The following ACOX1 variants were observed in gnomAD, a reference collection of about 807,000 sequenced individuals.
ACOX1 encodes the protein acyl-CoA oxidase 1, also known as peroxisomal acyl-coenzyme A oxidase 1.
ACOX1 carries 41 observed loss-of-function variants against 75.5 expected under a neutral mutation model. The observed-to-expected ratio is 0.54, with a 90% confidence interval of 0.42 to 0.70. The LOEUF is 0.70. Among genes scored for constraint, ACOX1 ranks in the 30% least tolerant of loss-of-function variants. The pLI is 0.00. For missense variants in ACOX1, 630 were observed against 837.5 expected (o/e 0.75, Z 3.06); for synonymous variants, 303 against 298.8 (o/e 1.01, Z -0.15).
Position 75,960,645 on chromosome 17 carries a change from C to T in ACOX1, c.270-270G>A, listed in dbSNP as rs548975497. On this transcript the variant is annotated intron_variant, in intron 2 of 13. Transcript: ENST00000293217. The surrounding 1 kb of genome is among the most constrained non-coding windows in gnomAD (Gnocchi z 4.4). ...GCAGCACAAAACCACACGTGCAAGG[C>T]AGAGGATCCTCGCCCAGGAATTAAA... Among the ~76,000 whole-genome samples, 11 of 152,282 alleles carry T rather than the reference C, an allele frequency of 7.2e-5. 1 individual carries two copies. In the East Asian group the frequency reaches 1.7e-3, roughly 24 times the overall value.
chr17:75,946,943 A>T, intron 13 of ACOX1, 148 bp from the exon 14 acceptor site: 1 of 721,262 alleles, frequency 1.4e-6, no homozygotes. Flanking sequence ...ATCTTGGCTC[A>T]CTACAGCCTC....
intron 6 of ACOX1, among the ~76,000 whole-genome samples, chr17:75,955,330 A>AT (rs2144253976): frequency 6.6e-6 from 1 of 151,756 alleles, no homozygotes; most frequent in Admixed American, 6.6e-5. Context: ...ACCCAGCTAG[A>AT]TTTTTTTACT....
At position 75,960,636 on chromosome 17, in the gene ACOX1, C is replaced by A. The variant is rs528851682; in HGVS notation, c.270-261G>T. On this transcript the variant is annotated intron_variant, in intron 2 of 13. Transcript: ENST00000293217. This position sits in a 1 kb window ranked among gnomAD's most constrained non-coding sequence, Gnocchi z 4.4. ...AAAGCCAATGCAGCACAAAACCACA[C>A]GTGCAAGGCAGAGGATCCTCGCCCA... Among the ~76,000 whole-genome samples, 1 of 152,132 alleles carries A rather than the reference C, an allele frequency of 6.6e-6. No homozygotes were observed. The highest frequency in any genetic ancestry group is 2.4e-5 in the African/African-American group (1 of 41,414).
rs1026725146 is a variant in ACOX1 at position 75,975,908 on chromosome 17, A to T, written c.269+2626T>A. ...GAGAGAAAGAAAAAGAAAGAGGAAG[A>T]GAAAGAGAAAGAAAAAGAAAGGAAA... On this transcript the variant is annotated intron_variant, in intron 2 of 13. Coordinates refer to ENST00000293217, the MANE Select transcript of ACOX1 (RefSeq NM_004035.7). 3.6e-4 allele frequency among the ~76,000 whole-genome samples: 54 copies of T among 151,964 alleles called. 1 individual carries two copies. Among genetic ancestry groups the T allele is most frequent in the African/African-American group, 1.1e-3 (47 of 41,380 alleles).
chr17:75,947,115 C>T (rs1567871557), intron 13 of ACOX1, among the ~76,000 whole-genome samples: 1 of 152,070 alleles, frequency 6.6e-6, no homozygotes, highest in African/African-American at 2.4e-5. Context: ...AGTGATCCAC[C>T]CACCTCAGCC....
In ACOX1 at chr17:75,953,523, C is replaced by T. The variant is rs539005206; in HGVS notation, c.872G>A (p.Arg291Gln). 6 of 1,614,098 alleles carry T rather than the reference C, an allele frequency of 3.7e-6. No individual in the cohort carries two copies. The highest frequency in any genetic ancestry group is 1.3e-5 in the African/African-American group (1 of 75,034). ...VRSFLVGEAA[R>Q]ALSKACTIAI... is the part of the protein sequence containing the mutation. ...AATGGTGCACGCCTTAGACAGAGCC[C>T]GAGCAGCTTCTCCCACAAGGAAGGA... Residue 291 changes from arginine to glutamine, a missense_variant, in exon 7 of 14, where the codon CGG becomes CAG. Physicochemically the swap from Arg to Gln is conservative, Grantham distance 43 (BLOSUM62 1). Around this residue, in one of 2 missense-constraint regions of ACOX1, gnomAD observed 390 missense variants for 574.9 expected, o/e 0.68. Transcript: ENST00000293217.
chr17:75,969,720 G>A (rs1038664244), intron 2 of ACOX1, among the ~76,000 whole-genome samples: 1 of 152,130 alleles, frequency 6.6e-6, no homozygotes, highest in African/African-American at 2.4e-5. Context: ...TGTTAATGAT[G>A]GCAATTTGCC....
chr17:75,972,735 A>T (rs1171490027), intron 2 of ACOX1, among the ~76,000 whole-genome samples: 1 of 152,146 alleles, frequency 6.6e-6, no homozygotes, highest in East Asian at 1.9e-4. Flanking sequence ...TTGAAGTTGA[A>T]GTCTTGAGTG....
At chr17:75,958,721 T>C (rs905209347) in intron 3 of ACOX1, among the ~76,000 whole-genome samples, 9 of 147,554 alleles carry the variant, frequency 6.1e-5, no homozygotes, top group African/African-American at 2.3e-4. Flanking sequence ...GGCAGGAGAA[T>C]GGCGTGAACC....
In ACOX1 at chr17:75,944,566, T is replaced by G. The variant is rs1003453849; in HGVS notation, c.*2182A>C. ...TGTTCTTAGTGTTCCCTAAATCTAA[T>G]AAACCTCTATTCTAAATTTCTTCAT... On this transcript the variant is annotated 3_prime_UTR_variant, in exon 14 of 14. Transcript: ENST00000293217. The G allele has an allele frequency of 6.6e-6, 1 of 152,230 alleles. No homozygotes were observed. The highest frequency in any genetic ancestry group is 2.4e-5 in the African/African-American group (1 of 41,468). The allele number at this position is 152,230 out of a possible 1,614,324, so 9.4% of individuals were successfully genotyped here.
Position 75,944,104 on chromosome 17 carries a change from C to G in ACOX1, c.*2644G>C, listed in dbSNP as rs566241535. On this transcript the variant is annotated 3_prime_UTR_variant, in exon 14 of 14. Transcript: ENST00000293217. ...AACAAATTAGCTGGGCATGGTGGCA[C>G]GTGCCTGTCGTCCCAGCTACTCAGG... 2 of 152,138 alleles carry G rather than the reference C, an allele frequency of 1.3e-5. No homozygotes were observed. Among genetic ancestry groups the G allele is most frequent in the East Asian group, 3.9e-4 (2 of 5,178 alleles). 9.4% of individuals were successfully genotyped at this position (152,138 alleles called of 1,614,324 possible).
chr17:75,948,773 C>G (rs574317268), intron 12 of ACOX1, among the ~76,000 whole-genome samples: 1 of 151,620 alleles, frequency 6.6e-6, no homozygotes, highest in Non-Finnish European at 1.5e-5. Flanking sequence ...AGGCTGGTCT[C>G]GAACTCCCGA....
chr17:75,974,704 G>A (rs1239964665), intron 2 of ACOX1, among the ~76,000 whole-genome samples: 2 of 152,132 alleles, frequency 1.3e-5, no homozygotes, highest in Non-Finnish European at 2.9e-5. Flanking sequence ...CCATTGCAGT[G>A]CTGGGGGACC....
Position 75,960,368 on chromosome 17 carries a change from G to C in ACOX1, c.277C>G (p.His93Asp), listed in dbSNP as rs1167815074. ...TCCAGAGGCTCAGGCCGCCCTCGGT[G>C]CACAAAACTTCGAGGAAATATCAAG... ...DEIMWFKNFV[H>D]RGRPEPLDLH... The change falls in exon 3 of 14, where the codon CAC becomes GAC. Residue 93 changes from histidine to aspartate, a missense_variant. Physicochemically the swap from His to Asp is moderately conservative, Grantham distance 81 (BLOSUM62 -1). Around this residue, in one of 2 missense-constraint regions of ACOX1, gnomAD observed 390 missense variants for 574.9 expected, o/e 0.68. Coordinates refer to ENST00000293217, the MANE Select transcript of ACOX1 (RefSeq NM_004035.7). This position sits in a 1 kb window ranked among gnomAD's most constrained non-coding sequence, Gnocchi z 4.4. 2 of 1,613,614 alleles carry C rather than the reference G, an allele frequency of 1.2e-6. No homozygotes were observed.
Position 75,941,810 on chromosome 17 carries a change from T to A in ACOX1, c.*4938A>T, listed in dbSNP as rs2144213313. On this transcript the variant is annotated 3_prime_UTR_variant, in exon 14 of 14. Coordinates refer to ENST00000293217, the MANE Select transcript of ACOX1 (RefSeq NM_004035.7). ...TAATTATGTGCTCCCAAGGCAGTCA[T>A]TTAGTTGAATCCATAACTGGAAATA... is the stretch of plus-strand genomic sequence containing the variant. 6.6e-6 allele frequency: 1 copy of A among 152,310 alleles called. No individual in the cohort carries two copies. The highest frequency in any genetic ancestry group is 6.5e-5 in the Admixed American group (1 of 15,294). The allele number at this position is 152,310 out of a possible 1,614,324, so 9.4% of individuals were successfully genotyped here.
chr17:75,946,209 C>G lies in ACOX1; in HGVS notation c.*539G>C, dbSNP rs1215691278. The stretch of plus-strand genomic sequence containing the variant: ...CCATCAGCAAAGGAGAGCAAGCAGG[C>G]AGAGACTGTGCCAAGCAGAAACTCA... On this transcript the variant is annotated 3_prime_UTR_variant, in exon 14 of 14. Coordinates refer to ENST00000293217, the MANE Select transcript of ACOX1 (RefSeq NM_004035.7). 1.7e-5 allele frequency: 3 copies of G among 173,806 alleles called. No individual in the cohort carries two copies. Among genetic ancestry groups the G allele is most frequent in the Admixed American group, 5.6e-5 (1 of 17,956 alleles). 10.8% of individuals were successfully genotyped at this position (173,806 alleles called of 1,614,324 possible).
intron 3 of ACOX1, among the ~76,000 whole-genome samples, chr17:75,958,544 C>T (rs534757912): frequency 7.4e-5 from 11 of 147,978 alleles, no homozygotes; most frequent in Middle Eastern, 6.9e-3. Flanking sequence ...CACGGTGGCT[C>T]ACGCCTGTAA....
chr17:75,953,667 A>G (rs1448655237), intron 6 of ACOX1, 47 bp from the exon 7 acceptor site: 6 of 1,609,576 alleles, frequency 3.7e-6, no homozygotes, highest in Middle Eastern at 1.7e-4. Context: ...TAAGCCCAAG[A>G]GGCAGTTCAG....
At chr17:75,948,986 A>G (rs1368502789) in intron 12 of ACOX1, among the ~76,000 whole-genome samples, 3 of 150,710 alleles carry the variant, frequency 2.0e-5, no homozygotes, top group Non-Finnish European at 4.4e-5. Flanking sequence ...CAGCCTCCCT[A>G]GTAGCTGGGA....
Sources: gnomAD v4.1 joint callset for allele counts (sites outside exome capture counted in the v4.1 genomes callset) on GRCh38, gnomAD v4.1.1 for gene constraint, gnomAD v4.1.1 regional missense constraint, Gnocchi (gnomAD v3.1) non-coding constraint, MANE v1.5 for transcripts, NCBI Gene and HGNC (gene_info 2026-07-23, HGNC 2026-07-21) for gene names.